Variants in RNF175 observed in about 807,000 individuals in gnomAD.
RNF175 encodes the protein ring finger protein 175.
In RNF175, 38 loss-of-function variants were observed where a neutral mutation model predicts 50.0. The observed-to-expected ratio is 0.76, with a 90% CI of 0.59 to 1.00. The LOEUF (loss-of-function observed/expected upper bound fraction) is 1.00. RNF175 is among the 50% of genes least tolerant of loss of function. The pLI is 0.00. For missense variants in RNF175, 388 were observed against 409.6 expected (o/e 0.95, Z 0.46); for synonymous variants, 155 against 146.1 (o/e 1.06, Z -0.44).
At chr4:153,747,714 C>T (rs1243504245) in intron 3 of RNF175, among the ~76,000 whole-genome samples, 2 of 152,212 alleles carry the variant, frequency 1.3e-5, no homozygotes, top group Non-Finnish European at 2.9e-5. Flanking sequence ...TATTTCTAGC[C>T]TGTTCCTTCA....
intron 7 of RNF175, chr4:153,713,706 G>C (rs1382550525): frequency 6.6e-6 from 1 of 152,176 alleles, no homozygotes; most frequent in East Asian, 1.9e-4. Flanking sequence ...GTAACCAGGA[G>C]TTTCCATTAT....
intron 6 of RNF175, among the ~76,000 whole-genome samples, chr4:153,717,245 C>T (rs1333377017): frequency 2.0e-5 from 3 of 152,120 alleles, no homozygotes; most frequent in African/African-American, 7.2e-5. Flanking sequence ...GTCTCTTTGA[C>T]ATATCCCCAA....
At chr4:153,742,759 G>A (rs1486553967) in intron 3 of RNF175, among the ~76,000 whole-genome samples, 1 of 151,410 alleles carries the variant, frequency 6.6e-6, no homozygotes, top group Non-Finnish European at 1.5e-5. Flanking sequence ...TGTACAGAAA[G>A]CACTTATCAT....
chr4:153,724,995 G>A (rs1195317571), intron 4 of RNF175, among the ~76,000 whole-genome samples: 2 of 94,308 alleles, frequency 2.1e-5, no homozygotes, highest in African/African-American at 7.9e-5. Context: ...AGCTGTGTGG[G>A]GGAGCGGGCA....
At chr4:153,711,736 T>C (rs189432450) in intron 8 of RNF175, among the ~76,000 whole-genome samples, 1 of 152,334 alleles carries the variant, frequency 6.6e-6, no homozygotes, top group East Asian at 1.9e-4. Context: ...AGATATACTA[T>C]GGTCTTGAGA....
rs2033830 is a variant in RNF175 at position 153,715,167 on chromosome 4, A to G, written c.764+362T>C. The stretch of plus-strand genomic sequence containing the variant: ...TCTTAAGTTCCCCCCTGCACCTGAT[A>G]CTTCACTCTTTTTCTCACCTCCAAA... On this transcript the variant is annotated intron_variant, in intron 7 of 8. Transcript: ENST00000347063. 3.1e-4 allele frequency: 111 copies of G among 353,416 alleles called. No individual in the cohort carries two copies. In the East Asian group the frequency reaches 6.1e-3, roughly 19 times the overall value. The allele number at this position is 353,416 out of a possible 1,614,324, so 21.9% of individuals were successfully genotyped here.
At chr4:153,752,615 C>T (rs763368791) in intron 1 of RNF175, among the ~76,000 whole-genome samples, 1 of 152,146 alleles carries the variant, frequency 6.6e-6, no homozygotes, top group Non-Finnish European at 1.5e-5. Flanking sequence ...GTTTATAATT[C>T]TGCAGTGGAA....
At chr4:153,719,081 G>A (rs1738162237) in intron 6 of RNF175, among the ~76,000 whole-genome samples, 1 of 152,148 alleles carries the variant, frequency 6.6e-6, no homozygotes. Context: ...AGACCCACAT[G>A]CATTAGCTAT....
At position 153,725,662 on chromosome 4, in the gene RNF175, C is replaced by A. The variant is rs16998903; in HGVS notation, c.402-2204G>T. 9.1e-3 allele frequency among the ~76,000 whole-genome samples: 1,389 copies of A among 152,324 alleles called. 19 individuals carry two copies. The highest frequency in any genetic ancestry group is 0.032 in the African/African-American group (1,327 of 41,558). On this transcript the variant is annotated intron_variant, in intron 4 of 8. Transcript: ENST00000347063. Reference sequence around the variant, plus strand: ...GTCTGATCCAAGGCTTTGCTGCTTACTGCCCATGGGACTTTGGTCAATTTA... The same window carrying A: ...GTCTGATCCAAGGCTTTGCTGCTTAATGCCCATGGGACTTTGGTCAATTTA...
chr4:153,745,615 T>C (rs149054763), intron 3 of RNF175: 1 of 152,384 alleles, frequency 6.6e-6, no homozygotes, highest in African/African-American at 2.4e-5. Context: ...TGTGCTGCTA[T>C]ACTAGAATAT....
intron 3 of RNF175, among the ~76,000 whole-genome samples, chr4:153,743,678 A>G (rs1739809653): frequency 6.6e-6 from 1 of 152,176 alleles, no homozygotes; most frequent in Non-Finnish European, 1.5e-5. Context: ...ACAGAGCCCC[A>G]CTGGGTAGCC....
intron 1 of RNF175, among the ~76,000 whole-genome samples, chr4:153,754,406 G>C (rs1369151244): frequency 6.6e-6 from 1 of 152,176 alleles, no homozygotes; most frequent in African/African-American, 2.4e-5. Flanking sequence ...TAGTCTGGGA[G>C]CAGCTTGGAA....
chr4:153,737,537 T>A (rs1739415396), intron 3 of RNF175, among the ~76,000 whole-genome samples: 3 of 152,188 alleles, frequency 2.0e-5, no homozygotes, highest in Admixed American at 2.0e-4. Flanking sequence ...TATTTTAAAA[T>A]TTCTCTGGAG....
At chr4:153,742,210 G>T (rs1560789334) in intron 3 of RNF175, among the ~76,000 whole-genome samples, 1 of 146,074 alleles carries the variant, frequency 6.8e-6, no homozygotes, top group African/African-American at 2.5e-5. Flanking sequence ...GGAGGCAGAG[G>T]TTGCAGTGAG....
chr4:153,740,485 T>C (rs1023499713), intron 3 of RNF175, among the ~76,000 whole-genome samples: 3 of 152,196 alleles, frequency 2.0e-5, no homozygotes, highest in African/African-American at 2.4e-5. Context: ...CTTAGCTATT[T>C]TGGGACATTC....
At chr4:153,731,544 C>A (rs1193578051) in intron 3 of RNF175, among the ~76,000 whole-genome samples, 3 of 152,022 alleles carry the variant, frequency 2.0e-5, no homozygotes, top group Non-Finnish European at 4.4e-5. Flanking sequence ...TGTTGCCATG[C>A]ACATAATGAA....
chr4:153,751,976 ACT>A (rs1206698168), intron 1 of RNF175, among the ~76,000 whole-genome samples: 1 of 152,156 alleles, frequency 6.6e-6, no homozygotes, highest in Non-Finnish European at 1.5e-5. Context: ...GCATTCTTGT[ACT>A]CTCTTGTTAA....
intron 2 of RNF175, 106 bp from the exon 3 acceptor site, chr4:153,748,892 C>T (rs1690127797): frequency 2.0e-6 from 2 of 1,023,376 alleles, no homozygotes; most frequent in Admixed American, 5.7e-5. Context: ...GTTTGGCTTA[C>T]AAAAAGCAAC....
chr4:153,747,303 C>G (rs1684196241), intron 3 of RNF175, among the ~76,000 whole-genome samples: 1 of 152,156 alleles, frequency 6.6e-6, no homozygotes, highest in Non-Finnish European at 1.5e-5. Context: ...CTTATAAATT[C>G]CATCTTTAAA....
Sources: allele counts gnomAD v4.1 joint callset (sites outside exome capture counted in the v4.1 genomes callset), GRCh38; gene constraint gnomAD v4.1.1; transcripts MANE v1.5; gene names NCBI Gene and HGNC (gene_info 2026-07-23, HGNC 2026-07-21).